SLC30A9: variants seen among roughly 807,000 people sequenced by gnomAD.
The protein encoded by SLC30A9 is solute carrier family 30 member 9.
Under a neutral mutation model 87.5 loss-of-function variants are expected in SLC30A9, and 58 were observed. The ratio of observed to expected loss-of-function variants is 0.66; its 90% confidence interval spans 0.54 to 0.82. The LOEUF (loss-of-function observed/expected upper bound fraction) is 0.82. Among genes scored for constraint, SLC30A9 ranks in the 40% least tolerant of loss-of-function variants. The probability of loss-of-function intolerance (pLI) is 0.00; values close to 1 mark genes in which losing one functional copy is unlikely to be tolerated. For missense variants in SLC30A9, 557 were observed against 679.1 expected (o/e 0.82, Z 2.00); for synonymous variants, 234 against 233.0 (o/e 1.00, Z -0.04).
At chr4:42,073,572 G>A (rs949529065) in intron 15 of SLC30A9, among the ~76,000 whole-genome samples, 1 of 152,086 alleles carries the variant, frequency 6.6e-6, no homozygotes, top group African/African-American at 2.4e-5. Flanking sequence ...CTGGGTCTTC[G>A]ACTTCAGGGT....
chr4:42,023,471 T>G, intron 6 of SLC30A9, 87 bp downstream of exon 6: 4 of 813,246 alleles, frequency 4.9e-6, no homozygotes, highest in Admixed American at 2.1e-5. Flanking sequence ...AGTGCTAGCA[T>G]ACCTGTTGGC....
chr4:42,001,734 G>C lies in SLC30A9; in HGVS notation c.228G>C (p.Gln76His). Residue 76 changes from glutamine to histidine, a missense_variant, in exon 2 of 18, where the codon CAG (glutamine) becomes CAC (histidine). Gln to His is a conservative substitution (Grantham distance 24). Coordinates refer to ENST00000264451, the MANE Select transcript of SLC30A9 (RefSeq NM_006345.4). ...LYSTNVQKEG[Q>H]GSQTLRVEKV... ...CCACAAATGTTCAGAAAGAAGGACA[G>C]GGATCACAAACACTCAGAGTGGAAA... 1 of 1,611,400 alleles carries C rather than the reference G, an allele frequency of 6.2e-7. No homozygotes were observed. The highest frequency in any genetic ancestry group is 2.2e-5 in the East Asian group (1 of 44,728).
chr4:42,038,763 TGA>T (rs1303380113), intron 7 of SLC30A9, among the ~76,000 whole-genome samples: 3 of 152,352 alleles, frequency 2.0e-5, no homozygotes, highest in Admixed American at 2.0e-4. Flanking sequence ...AGGCAGGACA[TGA>T]ATTACAAGGA....
chr4:41,999,025 A>G (rs1041664967), intron 1 of SLC30A9, among the ~76,000 whole-genome samples: 7 of 152,246 alleles, frequency 4.6e-5, no homozygotes, highest in Non-Finnish European at 8.8e-5. Context: ...TTATGAAGAT[A>G]GTGTCAAAAG....
intron 8 of SLC30A9, among the ~76,000 whole-genome samples, chr4:42,047,558 T>A (rs1405979689): frequency 2.0e-5 from 3 of 152,206 alleles, no homozygotes; most frequent in South Asian, 4.1e-4. Flanking sequence ...AGATTGGCGA[T>A]CATTTAAAAG....
intron 2 of SLC30A9, among the ~76,000 whole-genome samples, chr4:42,015,766 A>G (rs75675426): frequency 0.021 from 3,220 of 151,680 alleles, 115 homozygotes; most frequent in African/African-American, 0.072. Context: ...CTCCTCAACT[A>G]TTGTGTCCAT....
At chr4:42,014,429 T>C (rs1818293) in intron 2 of SLC30A9, among the ~76,000 whole-genome samples, 98,477 of 151,980 alleles carry the variant, frequency 0.65, 36,027 homozygotes, top group East Asian at 0.96. Context: ...TGGTGGCATG[T>C]GCCTGTAGTC....
intron 8 of SLC30A9, among the ~76,000 whole-genome samples, chr4:42,040,795 CA>C (rs755795146): frequency 3.9e-3 from 33 of 8,376 alleles, no homozygotes; most frequent in South Asian, 0.013. Flanking sequence ...GACTCTGTCT[CA>C]AAAAAAAAAA....
chr4:42,048,983 G>T (rs7654290), intron 8 of SLC30A9, among the ~76,000 whole-genome samples: 18 of 152,104 alleles, frequency 1.2e-4, no homozygotes, highest in African/African-American at 3.9e-4. Context: ...TTGTTTTAGC[G>T]ATGGGGTCTC....
chr4:42,048,026 A>G (rs1041879201), intron 8 of SLC30A9, among the ~76,000 whole-genome samples: 5 of 151,966 alleles, frequency 3.3e-5, no homozygotes, highest in African/African-American at 9.7e-5. Flanking sequence ...GAGCTGAACA[A>G]TGAAAACACA....
chr4:42,089,505 A>T lies in SLC30A9; in HGVS notation c.*3379A>T, dbSNP rs1197370502. ...ACTGGCACAATTGCAGCTCACCGCA[A>T]CCTTCACCTCCCGATTCAAGTGATT... On this transcript the variant is annotated 3_prime_UTR_variant, in exon 18 of 18. Transcript: ENST00000264451. 6.6e-6 allele frequency: 1 copy of T among 151,870 alleles called. No homozygotes were observed. The highest frequency in any genetic ancestry group is 2.4e-5 in the African/African-American group (1 of 41,356). 9.4% of individuals were successfully genotyped at this position (151,870 alleles called of 1,614,324 possible).
At chr4:42,005,588 G>C (rs1715167131) in intron 2 of SLC30A9, among the ~76,000 whole-genome samples, 1 of 152,182 alleles carries the variant, frequency 6.6e-6, no homozygotes, top group South Asian at 2.1e-4. Flanking sequence ...GGTCTTCCAT[G>C]CCCGTTGTAG....
At position 42,057,150 on chromosome 4, in the gene SLC30A9, G is replaced by C. The variant is rs139368914; in HGVS notation, c.841-3041G>C. ...CTTTTCCAGGTGCACTGTGCAAGCT[G>C]TCAGTGGATCTATCATTCTGGGATA... On this transcript the variant is annotated intron_variant, in intron 9 of 17. Transcript: ENST00000264451. Among the ~76,000 whole-genome samples the C allele has an allele frequency of 3.2e-3, 490 of 152,306 alleles. 2 individuals carry two copies. Among genetic ancestry groups the C allele is most frequent in the African/African-American group, 0.011 (469 of 41,582 alleles).
chr4:42,081,012 A>G, intron 17 of SLC30A9, among the ~76,000 whole-genome samples: 1 of 152,214 alleles, frequency 6.6e-6, no homozygotes, highest in East Asian at 1.9e-4. Flanking sequence ...CTTGCATTTT[A>G]TCATTAGCAA....
At chr4:42,034,134 C>T (rs1193509971) in intron 6 of SLC30A9, among the ~76,000 whole-genome samples, 1 of 149,550 alleles carries the variant, frequency 6.7e-6, no homozygotes, top group Non-Finnish European at 1.5e-5. Flanking sequence ...TATTTTTCAA[C>T]TTTGAGGTAA....
At chr4:42,067,763 T>C (rs1242673780) in intron 14 of SLC30A9, among the ~76,000 whole-genome samples, 1 of 152,212 alleles carries the variant, frequency 6.6e-6, no homozygotes, top group Non-Finnish European at 1.5e-5. Flanking sequence ...ATGCCGTACA[T>C]GGTCAGTGAA....
intron 2 of SLC30A9, among the ~76,000 whole-genome samples, chr4:42,006,787 G>A (rs574882062): frequency 6.6e-6 from 1 of 151,972 alleles, no homozygotes; most frequent in East Asian, 1.9e-4. Context: ...GGTGGGGTTG[G>A]TAGTGTTGAA....
chr4:42,053,936 A>G (rs1717494873), intron 9 of SLC30A9, among the ~76,000 whole-genome samples: 1 of 152,172 alleles, frequency 6.6e-6, no homozygotes, highest in Admixed American at 6.5e-5. Flanking sequence ...AAAATTGGGA[A>G]AAATGGTTGC....
intron 1 of SLC30A9, among the ~76,000 whole-genome samples, chr4:41,996,863 A>C (rs966786651): frequency 3.3e-5 from 5 of 152,020 alleles, no homozygotes; most frequent in Admixed American, 6.6e-5. Context: ...GTGAAACCAC[A>C]TCTCTGCTAA....
Sources: gnomAD v4.1 joint callset for allele counts (sites outside exome capture counted in the v4.1 genomes callset) on GRCh38, gnomAD v4.1.1 for gene constraint, MANE v1.5 for transcripts, NCBI Gene and HGNC (gene_info 2026-07-23, HGNC 2026-07-21) for gene names.